Variants in GTF2H5 observed in about 807,000 individuals in gnomAD.
GTF2H5 encodes general transcription factor IIH subunit 5.
Under a neutral mutation model 7.1 loss-of-function variants are expected in GTF2H5, and 5 were observed. The observed-to-expected ratio is 0.71, with a 90% CI of 0.37 to 1.49. GTF2H5 has a LOEUF of 1.49. GTF2H5 is among the 40% of genes most tolerant of loss of function. GTF2H5 has a pLI of 0.03. For missense variants in GTF2H5, 80 were observed against 83.0 expected (o/e 0.96, Z 0.14); for synonymous variants, 30 against 31.7 (o/e 0.95, Z 0.18).
At position 158,196,446 on chromosome 6, in the gene GTF2H5, A is replaced by G. The variant is rs1251104486; in HGVS notation, c.*4289A>G. On this transcript the variant is annotated 3_prime_UTR_variant, in exon 3 of 3. Coordinates refer to ENST00000607778, the MANE Select transcript of GTF2H5 (RefSeq NM_207118.3). ...ATGCCCGTCTTTAAAGACTATTAAAATGAATGTGAGTTAACACACAAGAGG... is the reference window on the plus strand; with the variant it reads ...ATGCCCGTCTTTAAAGACTATTAAAGTGAATGTGAGTTAACACACAAGAGG... 6.6e-6 allele frequency: 1 copy of G among 152,220 alleles called. No individual in the cohort carries two copies. The highest frequency in any genetic ancestry group is 1.5e-5 in the Non-Finnish European group (1 of 68,044). The allele number at this position is 152,220 out of a possible 1,614,324, so 9.4% of individuals were successfully genotyped here. A position where few individuals can be genotyped will look rare whatever the true frequency, so the allele number is the denominator to read the frequency against.
chr6:158,177,946 A>G (rs531197067), intron 2 of GTF2H5, among the ~76,000 whole-genome samples: 1 of 152,276 alleles, frequency 6.6e-6, no homozygotes, highest in African/African-American at 2.4e-5. Flanking sequence ...TATATGTGCC[A>G]CATTTTCTTA....
rs1221092712 is a variant in GTF2H5, at chr6:158,196,141, GCA to G, written c.*3985_*3986del. On this transcript the variant is annotated 3_prime_UTR_variant, in exon 3 of 3. Transcript: ENST00000607778. ...CTAAAAATACAAAAAAATTAGCTGGGCATGGTGGTGGACGCCTGTAGTCCCAG... is the reference window on the plus strand; with the variant it reads ...CTAAAAATACAAAAAAATTAGCTGGGTGGTGGTGGACGCCTGTAGTCCCAG... 2.8e-4 allele frequency: 43 copies of G among 152,388 alleles called. No individual in the cohort carries two copies. The highest frequency in any genetic ancestry group is 1.0e-3 in the African/African-American group (42 of 41,544). The allele number at this position is 152,388 out of a possible 1,614,324, so 9.4% of individuals were successfully genotyped here. A position where few individuals can be genotyped will look rare whatever the true frequency, so the allele number is the denominator to read the frequency against.
intron 2 of GTF2H5, among the ~76,000 whole-genome samples, chr6:158,183,488 A>C (rs1786036420): frequency 6.6e-6 from 1 of 152,222 alleles, no homozygotes; most frequent in Non-Finnish European, 1.5e-5. Flanking sequence ...CTGCCTTCAG[A>C]GGTGGAATCT....
rs1777138664 is a variant in GTF2H5, at chr6:158,197,986, A to T, written c.*5829A>T. On this transcript the variant is annotated 3_prime_UTR_variant, in exon 3 of 3. Coordinates refer to ENST00000607778, the MANE Select transcript of GTF2H5 (RefSeq NM_207118.3). ...CTTATGTTGAGAAATAAAAGAAATT[A>T]TATTTTATTTTTATCTTTTAATTCT... is the stretch of plus-strand genomic sequence containing the variant. The T allele has an allele frequency of 6.6e-6, 1 of 152,232 alleles. No individual in the cohort carries two copies. Among genetic ancestry groups the T allele is most frequent in the Admixed American group, 6.5e-5 (1 of 15,292 alleles). 9.4% of individuals were successfully genotyped at this position (152,232 alleles called of 1,614,324 possible).
intron 2 of GTF2H5, among the ~76,000 whole-genome samples, chr6:158,175,550 G>A (rs1785922596): frequency 6.6e-6 from 1 of 152,174 alleles, no homozygotes; most frequent in Non-Finnish European, 1.5e-5. Flanking sequence ...GATGGCTTGA[G>A]GTCAGGAGTT....
intron 1 of GTF2H5, among the ~76,000 whole-genome samples, chr6:158,169,271 T>G (rs1290841995): frequency 1.5e-5 from 2 of 131,284 alleles, no homozygotes; most frequent in African/African-American, 5.7e-5. Flanking sequence ...TATATATGTA[T>G]TTTATATATA....
intron 2 of GTF2H5, among the ~76,000 whole-genome samples, chr6:158,175,071 T>C (rs1785916526): frequency 6.7e-6 from 1 of 148,322 alleles, no homozygotes; most frequent in Non-Finnish European, 1.5e-5. Flanking sequence ...CATACACATA[T>C]ATAGATATGG....
At chr6:158,169,507 T>TAA (rs1201478120) in intron 1 of GTF2H5, among the ~76,000 whole-genome samples, 1 of 57,948 alleles carries the variant, frequency 1.7e-5, no homozygotes, top group South Asian at 5.1e-4. Context: ...ATATAATATA[T>TAA]TGTATATTAT....
intron 2 of GTF2H5, chr6:158,191,022 A>G (rs933737084): frequency 2.2e-6 from 1 of 463,792 alleles, no homozygotes; most frequent in East Asian, 5.7e-5. Flanking sequence ...TTGAATTTGG[A>G]CCTCTTTCCT....
chr6:158,177,268 T>C (rs947978621), intron 2 of GTF2H5, among the ~76,000 whole-genome samples: 3 of 152,366 alleles, frequency 2.0e-5, no homozygotes, highest in African/African-American at 7.2e-5. Context: ...TATTCTGTAG[T>C]CCATCAACTT....
intron 2 of GTF2H5, among the ~76,000 whole-genome samples, chr6:158,172,106 A>C (rs1450000576): frequency 6.6e-6 from 1 of 151,966 alleles, no homozygotes; most frequent in Non-Finnish European, 1.5e-5. Flanking sequence ...GGGTTTGTTA[A>C]ATATTCACTT....
At chr6:158,190,003 A>C (rs1776998709) in intron 2 of GTF2H5, among the ~76,000 whole-genome samples, 1 of 151,758 alleles carries the variant, frequency 6.6e-6, no homozygotes, top group Non-Finnish European at 1.5e-5. Context: ...CTCGGTGGTC[A>C]CTTCTTACTC....
At chr6:158,174,833 T>C (rs886947811) in intron 2 of GTF2H5, among the ~76,000 whole-genome samples, 2 of 152,320 alleles carry the variant, frequency 1.3e-5, no homozygotes, top group Non-Finnish European at 1.5e-5. Context: ...CACTTATCCT[T>C]ATGAGTTTGG....
rs540457220 is a variant in GTF2H5 at position 158,196,418 on chromosome 6, G to C, written c.*4261G>C. ...TTCTTTGTGCTCATTTGTGTAAACA[G>C]GAATGCCCGTCTTTAAAGACTATTA... On this transcript the variant is annotated 3_prime_UTR_variant, in exon 3 of 3. Transcript: ENST00000607778. The C allele has an allele frequency of 5.9e-5, 9 of 152,320 alleles. No homozygotes were observed. The South Asian group carries it at 1.9e-3, about 32-fold the overall frequency. 9.4% of individuals were successfully genotyped at this position (152,320 alleles called of 1,614,324 possible). A position where few individuals can be genotyped will look rare whatever the true frequency, so the allele number is the denominator to read the frequency against.
Position 158,192,950 on chromosome 6 carries a change from C to A in GTF2H5, c.*793C>A. The A allele has an allele frequency of 6.8e-6, 1 of 147,410 alleles. No individual in the cohort carries two copies. The highest frequency in any genetic ancestry group is 2.5e-5 in the African/African-American group (1 of 39,840). 9.1% of individuals were successfully genotyped at this position (147,410 alleles called of 1,614,324 possible). ...AAAAAAATTCTACTTGTACCTTATT[C>A]CCTATGAGAATACTTATCAAACTTA... On this transcript the variant is annotated 3_prime_UTR_variant, in exon 3 of 3. Coordinates refer to ENST00000607778, the MANE Select transcript of GTF2H5 (RefSeq NM_207118.3).
intron 2 of GTF2H5, among the ~76,000 whole-genome samples, chr6:158,181,895 G>A (rs75515934): frequency 3.9e-5 from 6 of 152,282 alleles, no homozygotes. Context: ...ATATTGTTAT[G>A]TGTGAATTTG....
chr6:158,188,129 G>A (rs1332938808), intron 2 of GTF2H5, among the ~76,000 whole-genome samples: 1 of 152,190 alleles, frequency 6.6e-6, no homozygotes, highest in African/African-American at 2.4e-5. Flanking sequence ...ATATATTGAA[G>A]TACTTGTGGG....
chr6:158,182,174 C>G (rs1329467695), intron 2 of GTF2H5, among the ~76,000 whole-genome samples: 8 of 152,200 alleles, frequency 5.3e-5, no homozygotes, highest in Admixed American at 3.3e-4. Context: ...GTTGAAAATT[C>G]TTTTCTTTAA....
intron 2 of GTF2H5, among the ~76,000 whole-genome samples, chr6:158,181,378 CTGTT>C (rs1295720063): frequency 9.2e-5 from 14 of 152,152 alleles, no homozygotes; most frequent in African/African-American, 3.4e-4. Context: ...CTGTAGATGT[CTGTT>C]AGGTCCACTT....
Sources: allele counts gnomAD v4.1 joint callset (sites outside exome capture counted in the v4.1 genomes callset), GRCh38; gene constraint gnomAD v4.1.1; transcripts MANE v1.5; gene names NCBI Gene and HGNC (gene_info 2026-07-23, HGNC 2026-07-21).